The following ARID2 variants were observed in gnomAD, a reference collection of about 807,000 sequenced individuals.
ARID2 encodes the protein AT-rich interaction domain 2.
A neutral mutation model predicts 184.6 loss-of-function variants in ARID2; 32 were observed. The ratio of observed to expected loss-of-function variants is 0.17; its 90% CI spans 0.13 to 0.23. ARID2 has a LOEUF of 0.23. ARID2 is among the 10% of genes least tolerant of loss of function. ARID2 has a pLI of 1.00. For synonymous variants in ARID2, 836 were observed against 772.6 expected, an observed-to-expected ratio of 1.08 and a Z score of -1.36; for missense variants, 1,696 against 2,197.6, an observed-to-expected ratio of 0.77 and a Z score of 4.56.
intron 3 of ARID2, among the ~76,000 whole-genome samples, chr12:45,738,268 A>G (rs900146796): frequency 2.0e-5 from 3 of 152,208 alleles, no homozygotes; most frequent in Admixed American, 1.3e-4. Flanking sequence ...TTTAATGTCC[A>G]CCAGCTTTGT....
intron 20 of ARID2, among the ~76,000 whole-genome samples, chr12:45,900,249 T>C (rs910648832): frequency 6.6e-6 from 1 of 152,068 alleles, no homozygotes; most frequent in Non-Finnish European, 1.5e-5. Flanking sequence ...CTAGTGGAGA[T>C]GGGGTTTCAC....
intron 16 of ARID2, among the ~76,000 whole-genome samples, chr12:45,887,393 C>G (rs1805042610): frequency 6.6e-6 from 1 of 152,002 alleles, no homozygotes; most frequent in Non-Finnish European, 1.5e-5. Flanking sequence ...GTAGCAGGAT[C>G]AAAGAAAAAG....
At chr12:45,783,573 T>C (rs1305029107) in intron 3 of ARID2, among the ~76,000 whole-genome samples, 1 of 152,226 alleles carries the variant, frequency 6.6e-6, no homozygotes, top group Admixed American at 6.5e-5. Flanking sequence ...TGATATTAAG[T>C]GCATTACGTT....
At chr12:45,890,711 T>C (rs1468621836) in intron 16 of ARID2, among the ~76,000 whole-genome samples, 1 of 152,222 alleles carries the variant, frequency 6.6e-6, no homozygotes, top group African/African-American at 2.4e-5. Flanking sequence ...TTAATTACTT[T>C]TTTGATTAAA....
At chr12:45,898,658 A>G (rs551994839) in intron 20 of ARID2, among the ~76,000 whole-genome samples, 11 of 152,160 alleles carry the variant, frequency 7.2e-5, no homozygotes, top group Non-Finnish European at 1.5e-4. Context: ...GCTTATGCCT[A>G]TAATCCCGGC....
chr12:45,798,127 T>G (rs1942425694), intron 3 of ARID2, among the ~76,000 whole-genome samples: 1 of 152,174 alleles, frequency 6.6e-6, no homozygotes, highest in Non-Finnish European at 1.5e-5. Flanking sequence ...AATACAGATC[T>G]AACTAATTTT....
intron 16 of ARID2, among the ~76,000 whole-genome samples, chr12:45,872,766 T>C (rs993241594): frequency 1.3e-5 from 2 of 152,220 alleles, no homozygotes; most frequent in African/African-American, 4.8e-5. Flanking sequence ...TCTATTCTTT[T>C]AAATTTGCTA....
chr12:45,798,707 C>T (rs1942437777), intron 3 of ARID2, among the ~76,000 whole-genome samples: 1 of 151,032 alleles, frequency 6.6e-6, no homozygotes, highest in African/African-American at 2.5e-5. Context: ...TGCAACCCTT[C>T]TTCTCATACA....
At chr12:45,821,978 AT>A (rs1942905730) in intron 6 of ARID2, among the ~76,000 whole-genome samples, 1 of 152,200 alleles carries the variant, frequency 6.6e-6, no homozygotes, top group Non-Finnish European at 1.5e-5. Flanking sequence ...ACTTGAACAA[AT>A]TGTTTTCTCA....
At chr12:45,863,580 C>CT (rs1943784143) in intron 16 of ARID2, among the ~76,000 whole-genome samples, 1 of 151,888 alleles carries the variant, frequency 6.6e-6, no homozygotes. Context: ...AAGTAAGACA[C>CT]TGTCTCTTTT....
At position 45,738,779 on chromosome 12, in the gene ARID2, C is replaced by CTTTTTTTTTTTTTTTTTTTTTT. The variant is rs11333868; in HGVS notation, c.284+7478_284+7499dup. On this transcript the variant is annotated intron_variant, in intron 3 of 20. Transcript: ENST00000334344. The stretch of plus-strand genomic sequence containing the variant: ...TTTTCTTCCTGGGGCATATGGGCTA[C>CTTTTTTTTTTTTTTTTTTTTTT]TTTTTTTTTTTTTTTTTTTTTTTTT... Among the ~76,000 whole-genome samples the CTTTTTTTTTTTTTTTTTTTTTT allele has an allele frequency of 4.8e-5, 3 of 62,302 alleles. 1 individual carries two copies. Among genetic ancestry groups the CTTTTTTTTTTTTTTTTTTTTTT allele is most frequent in the Non-Finnish European group, 5.2e-5 (2 of 38,614 alleles). 40.9% of individuals were successfully genotyped at this position (62,302 alleles called of 152,430 possible).
At chr12:45,843,229 T>C (rs2138144478) in intron 11 of ARID2, among the ~76,000 whole-genome samples, 1 of 150,184 alleles carries the variant, frequency 6.7e-6, no homozygotes, top group South Asian at 2.1e-4. Flanking sequence ...TACTTAGGTA[T>C]CTTGTGTAAC....
rs569446148 is a variant in ARID2, at chr12:45,902,779, G to A, written c.5364-2155G>A. On this transcript the variant is annotated intron_variant, in intron 20 of 20. Coordinates refer to ENST00000334344, the MANE Select transcript of ARID2 (RefSeq NM_152641.4). ...AGGCTGGTCTCGAACTCCTGACCTCGTGATCCGCCTGCCTCAGCCTCCCAA... is the reference window on the plus strand; with the variant it reads ...AGGCTGGTCTCGAACTCCTGACCTCATGATCCGCCTGCCTCAGCCTCCCAA... Among the ~76,000 whole-genome samples the A allele has an allele frequency of 7.3e-4, 111 of 152,028 alleles. 1 individual carries two copies. Among genetic ancestry groups the A allele is most frequent in the African/African-American group, 2.1e-3 (89 of 41,484 alleles).
chr12:45,870,636 G>A (rs1943912696), intron 16 of ARID2, among the ~76,000 whole-genome samples: 1 of 151,886 alleles, frequency 6.6e-6, no homozygotes, highest in South Asian at 2.1e-4. Context: ...CCCAGTTCCT[G>A]GCAGCCACTC....
chr12:45,868,332 T>C (rs1327826241), intron 16 of ARID2, among the ~76,000 whole-genome samples: 5 of 152,262 alleles, frequency 3.3e-5, no homozygotes, highest in African/African-American at 1.2e-4. Flanking sequence ...TCCCAGCTAC[T>C]TGGGTGGCTG....
chr12:45,763,137 A>G (rs1421353654), intron 3 of ARID2, among the ~76,000 whole-genome samples: 6 of 152,224 alleles, frequency 3.9e-5, no homozygotes, highest in Non-Finnish European at 1.5e-5. Context: ...AACAAAAATT[A>G]TGTTCAATAT....
At chr12:45,796,310 C>T (rs1171728750) in intron 3 of ARID2, among the ~76,000 whole-genome samples, 2 of 151,908 alleles carry the variant, frequency 1.3e-5, no homozygotes, top group East Asian at 3.9e-4. Flanking sequence ...TTCTTTTACA[C>T]CACTATTTTT....
At chr12:45,833,251 A>G (rs1310738977) in intron 6 of ARID2, among the ~76,000 whole-genome samples, 2 of 152,140 alleles carry the variant, frequency 1.3e-5, no homozygotes, top group Non-Finnish European at 2.9e-5. Context: ...TAGACTTACT[A>G]TGGGTTTATT....
chr12:45,752,963 T>C (rs1030373498), intron 3 of ARID2, among the ~76,000 whole-genome samples: 2 of 152,212 alleles, frequency 1.3e-5, no homozygotes, highest in Non-Finnish European at 2.9e-5. Context: ...AATTTGTTCA[T>C]TAAAAGTTTT....
Sources: allele counts gnomAD v4.1 joint callset (sites outside exome capture counted in the v4.1 genomes callset), GRCh38; gene constraint gnomAD v4.1.1; transcripts MANE v1.5; gene names NCBI Gene and HGNC (gene_info 2026-07-23, HGNC 2026-07-21).